Variants in GATA4 observed in about 807,000 individuals in gnomAD.
GATA4 encodes the protein GATA binding protein 4, also known as transcription factor GATA-4.
A neutral mutation model predicts 37.9 loss-of-function variants in GATA4; 7 were observed. That is an observed-to-expected ratio of 0.18 (90% CI 0.11 to 0.35). The LOEUF (loss-of-function observed/expected upper bound fraction) is 0.35. Ranked by LOEUF, GATA4 falls within the 10% of genes least tolerant of loss-of-function variation. The pLI is 1.00. For missense variants in GATA4, 647 were observed against 653.0 expected, an observed-to-expected ratio of 0.99 and a Z score of 0.10; for synonymous variants, 372 against 292.6, an observed-to-expected ratio of 1.27 and a Z score of -2.77.
intron 2 of GATA4, among the ~76,000 whole-genome samples, chr8:11,731,202 A>C (rs1482810126): frequency 6.6e-6 from 1 of 152,254 alleles, no homozygotes; most frequent in Non-Finnish European, 1.5e-5. Context: ...TGGATCAGCA[A>C]AACCACAGTG....
upstream of GATA4, among the ~76,000 whole-genome samples, chr8:11,687,735 A>C (rs1799184499): frequency 6.6e-6 from 1 of 152,210 alleles, no homozygotes; most frequent in Admixed American, 6.5e-5. Flanking sequence ...AGAAAAGCCA[A>C]GAATACAGGA....
intron 2 of GATA4, among the ~76,000 whole-genome samples, chr8:11,725,231 C>T (rs916156819): frequency 1.3e-5 from 2 of 152,356 alleles, no homozygotes; most frequent in South Asian, 4.1e-4. Flanking sequence ...CATCATCCTC[C>T]CCAGCAGGGA....
chr8:11,693,568 G>C (rs879870315), intron 1 of GATA4, among the ~76,000 whole-genome samples: 3,011 of 127,532 alleles, frequency 0.024, 47 homozygotes, highest in African/African-American at 0.067. Flanking sequence ...CACACAGAGA[G>C]AGAGAGAGAG....
intron 5 of GATA4, among the ~76,000 whole-genome samples, chr8:11,755,389 C>G (rs1167075809): frequency 6.6e-6 from 1 of 152,226 alleles, no homozygotes; most frequent in African/African-American, 2.4e-5. Context: ...AGACCCAGTG[C>G]TCAGGCTGGA....
In GATA4 at chr8:11,683,213, T is replaced by C. The variant is rs1173446172; in HGVS notation, c.-274+6150T>C. On this transcript the variant is annotated intron_variant, in intron 1 of 6. Coordinates refer to the GATA4 transcript ENST00000528712. ...GAACAATCCATTAGACCTCAGCATT[T>C]ATCCGGAGCGGGGGAGGACGGAGGG... is the stretch of plus-strand genomic sequence containing the variant. 6 of 864,210 alleles carry C rather than the reference T, an allele frequency of 6.9e-6. No homozygotes were observed. The East Asian group carries it at 7.4e-4, about 106-fold the overall frequency. The allele number at this position is 864,210 out of a possible 1,614,324, so 53.5% of individuals were successfully genotyped here.
intron 2 of GATA4, among the ~76,000 whole-genome samples, chr8:11,746,741 C>T (rs1206175199): frequency 6.6e-6 from 1 of 152,178 alleles, no homozygotes; most frequent in African/African-American, 2.4e-5. Context: ...AAGCTATGGG[C>T]GGGAGTGGCC....
At chr8:11,721,903 G>T (rs1327255231) in intron 2 of GATA4, among the ~76,000 whole-genome samples, 4 of 152,210 alleles carry the variant, frequency 2.6e-5, no homozygotes, top group African/African-American at 4.8e-5. Context: ...AGGTGTAGAG[G>T]TGAAGAGGAA....
chr8:11,697,563 G>C, intron 1 of GATA4: 3 of 985,422 alleles, frequency 3.0e-6, no homozygotes, highest in Non-Finnish European at 3.6e-6. Context: ...CCACCGCCAG[G>C]GAAGCCTGGT....
chr8:11,691,721 A>G (rs1036890390), upstream of GATA4, among the ~76,000 whole-genome samples: 1 of 152,088 alleles, frequency 6.6e-6, no homozygotes. Context: ...CTCCAGCCTC[A>G]ACTAGATCCA....
At chr8:11,687,576 T>C (rs1228669785) in intron 1 of GATA4, among the ~76,000 whole-genome samples, 1 of 152,220 alleles carries the variant, frequency 6.6e-6, no homozygotes, top group Non-Finnish European at 1.5e-5. Flanking sequence ...CTCTCTGGTG[T>C]ATTATTAGAC....
chr8:11,730,284 G>T (rs59799643), intron 2 of GATA4, among the ~76,000 whole-genome samples: 2,797 of 152,292 alleles, frequency 0.018, 77 homozygotes, highest in South Asian at 0.093. Flanking sequence ...GGGACGTGGT[G>T]TCCATCTCAG....
At position 11,756,955 on chromosome 8, in the gene GATA4, C is replaced by G; in HGVS notation, c.1021C>G (p.Leu341Val). Residue 341 changes from leucine to valine, a missense_variant, in exon 6 of 7, where the codon CTT (leucine) becomes GTT (valine). This residue lies in a region of GATA4 where 184 missense variants were observed against 157.1 expected (regional missense o/e 1.17). Transcript: ENST00000532059. The stretch of plus-strand genomic sequence containing the variant: ...TCCAGCTCCTTCAGGCAGTGAGAGC[C>G]TTCCTCCCGCCAGCGGTGCTTCCAG... ...TPAAPSGSESLPPASGASSNS... is the reference protein window; with the variant it reads ...TPAAPSGSESVPPASGASSNS... 1.1e-5 allele frequency: 18 copies of G among 1,614,260 alleles called. No homozygotes were observed. Among genetic ancestry groups the G allele is most frequent in the Non-Finnish European group, 1.5e-5 (18 of 1,180,050 alleles).
chr8:11,678,934 C>G (rs1798865506), intron 1 of GATA4, among the ~76,000 whole-genome samples: 1 of 152,164 alleles, frequency 6.6e-6, no homozygotes, highest in Admixed American at 6.5e-5. Flanking sequence ...ATAAATTACT[C>G]TTTCTCCCTG....
intron 2 of GATA4, among the ~76,000 whole-genome samples, chr8:11,717,767 A>G (rs1305232175): frequency 1.3e-5 from 2 of 152,288 alleles, no homozygotes; most frequent in South Asian, 2.1e-4. Flanking sequence ...TCTAGGAGCA[A>G]TGTCGTCCTA....
intron 2 of GATA4, among the ~76,000 whole-genome samples, chr8:11,726,944 T>C (rs1426612416): frequency 6.6e-6 from 1 of 152,178 alleles, no homozygotes; most frequent in East Asian, 1.9e-4. Context: ...AGTTTGTCCT[T>C]TCCCATCTTG....
chr8:11,758,778 G>T lies in GATA4; in HGVS notation c.*303G>T, dbSNP rs1365868681. 10 of 436,018 alleles carry T rather than the reference G, an allele frequency of 2.3e-5. No homozygotes were observed. Among genetic ancestry groups the T allele is most frequent in the Non-Finnish European group, 3.0e-5 (7 of 233,254 alleles). 27.0% of individuals were successfully genotyped at this position (436,018 alleles called of 1,614,324 possible). A position where few individuals can be genotyped will look rare whatever the true frequency, so the allele number is the denominator to read the frequency against. On this transcript the variant is annotated 3_prime_UTR_variant, in exon 7 of 7. Coordinates refer to ENST00000532059, the MANE Select transcript of GATA4 (RefSeq NM_001308093.3). The stretch of plus-strand genomic sequence containing the variant: ...CTTGTCCCCTGCGTTCCCCACTGTG[G>T]CCTAGACCGTGGGTTTTGCATTGTG...
chr8:11,705,567 G>T (rs1165866007), intron 1 of GATA4, among the ~76,000 whole-genome samples: 1 of 152,212 alleles, frequency 6.6e-6, no homozygotes, highest in African/African-American at 2.4e-5. Context: ...GTGATCAGAA[G>T]GAGAGCAAAA....
chr8:11,758,803 G>A lies in GATA4; in HGVS notation c.*328G>A, dbSNP rs1802738332. On this transcript the variant is annotated 3_prime_UTR_variant, in exon 7 of 7. Coordinates refer to ENST00000532059, the MANE Select transcript of GATA4 (RefSeq NM_001308093.3). Reference sequence around the variant, plus strand: ...GCCTAGACCGTGGGTTTTGCATTGTGTTTCTAGCACCGAGGATCTGAGAAC... The same window carrying A: ...GCCTAGACCGTGGGTTTTGCATTGTATTTCTAGCACCGAGGATCTGAGAAC... 2.6e-6 allele frequency: 1 copy of A among 388,244 alleles called. No homozygotes were observed. The highest frequency in any genetic ancestry group is 2.1e-5 in the African/African-American group (1 of 48,304). 24.0% of individuals were successfully genotyped at this position (388,244 alleles called of 1,614,324 possible).
chr8:11,732,494 C>G (rs1801257894), intron 2 of GATA4, among the ~76,000 whole-genome samples: 1 of 152,098 alleles, frequency 6.6e-6, no homozygotes, highest in Non-Finnish European at 1.5e-5. Context: ...CAAAACAAAA[C>G]AGAAGGAGAG....
Sources: gnomAD v4.1 joint callset for allele counts (sites outside exome capture counted in the v4.1 genomes callset) on GRCh38, gnomAD v4.1.1 for gene constraint, gnomAD v4.1.1 regional missense constraint, MANE v1.5 for transcripts, NCBI Gene and HGNC (gene_info 2026-07-23, HGNC 2026-07-21) for gene names.